The following POU3F3 variants were observed in gnomAD, a reference collection of about 807,000 sequenced individuals.
The protein encoded by POU3F3 is POU domain, class 3, transcription factor 3.
Under a neutral mutation model 8.6 loss-of-function variants are expected in POU3F3, and 1 was observed. The observed-to-expected ratio is 0.12, with a 90% CI of 0.04 to 0.55. The LOEUF is 0.55. Among genes scored for constraint, POU3F3 ranks in the 20% least tolerant of loss-of-function variants. The pLI is 0.91. For missense variants in POU3F3, 577 were observed against 690.7 expected (o/e 0.84, Z 1.84); for synonymous variants, 418 against 327.4 (o/e 1.28, Z -2.99).
At position 104,855,307 on chromosome 2, in the gene POU3F3, CGGCGGCGGGGGCGGA is replaced by C. The variant is rs960894729; in HGVS notation, c.-195_-181del. ...CAGCCGGGGGCCGCGGCGGCGGCGG[CGGCGGCGGGGGCGGA>C]GGCGGCGGCGGAGGAGGAGGCGGCG... is the stretch of plus-strand genomic sequence containing the variant. On this transcript the variant is annotated 5_prime_UTR_variant, in exon 1 of 1. Transcript: ENST00000361360. Among the ~76,000 whole-genome samples the C allele has an allele frequency of 6.9e-6, 1 of 144,722 alleles. No individual in the cohort carries two copies. The highest frequency in any genetic ancestry group is 2.5e-5 in the African/African-American group (1 of 40,220). 94.9% of individuals were successfully genotyped at this position (144,722 alleles called of 152,430 possible).
the POU3F3 span, among the ~76,000 whole-genome samples, chr2:104,923,812 G>T: frequency 1.3e-5 from 2 of 152,148 alleles, no homozygotes. Context: ...GGACCAAATA[G>T]GTTGAAAGTG....
chr2:104,874,882 G>T, the POU3F3 span, among the ~76,000 whole-genome samples: 1 of 152,072 alleles, frequency 6.6e-6, no homozygotes, highest in Admixed American at 6.6e-5. Context: ...ATAGTTCAGG[G>T]CATTAAGTAC....
chr2:104,910,837 A>G, the POU3F3 span, among the ~76,000 whole-genome samples: 87 of 152,226 alleles, frequency 5.7e-4, 1 homozygote, highest in Admixed American at 1.4e-3. Context: ...ATGCTCAGGA[A>G]AAAAAGAAAG....
chr2:104,855,466 G>T lies in POU3F3; in HGVS notation c.-45G>T. 1.1e-6 allele frequency: 1 copy of T among 935,140 alleles called. No individual in the cohort carries two copies. The highest frequency in any genetic ancestry group is 1.3e-6 in the Non-Finnish European group (1 of 788,072). The allele number at this position is 935,140 out of a possible 1,614,324, so 57.9% of individuals were successfully genotyped here. On this transcript the variant is annotated 5_prime_UTR_variant, in exon 1 of 1. Transcript: ENST00000361360. ...GGCGGCCGCGGCTGCTGCTGCGGCG[G>T]CGGCGGCGGTGGTGGCGGCGGTGGG...
At chr2:104,884,367 C>T in the POU3F3 span, among the ~76,000 whole-genome samples, 1 of 152,146 alleles carries the variant, frequency 6.6e-6, no homozygotes, top group Non-Finnish European at 1.5e-5. Flanking sequence ...AGGAGCCCTT[C>T]CCTCAGCCCT....
chr2:104,909,651 G>A, the POU3F3 span, among the ~76,000 whole-genome samples: 1 of 152,220 alleles, frequency 6.6e-6, no homozygotes, highest in Admixed American at 6.5e-5. Context: ...CTTCCCAGCT[G>A]GGCTCCCCAC....
downstream of POU3F3, among the ~76,000 whole-genome samples, chr2:104,861,154 A>G (rs1676650892): frequency 6.6e-6 from 1 of 152,206 alleles, no homozygotes; most frequent in African/African-American, 2.4e-5. Flanking sequence ...TTATATATTT[A>G]TACAAAAATG....
the POU3F3 span, among the ~76,000 whole-genome samples, chr2:104,923,484 T>A: frequency 2.7e-4 from 41 of 152,270 alleles, no homozygotes; most frequent in South Asian, 8.3e-3. Context: ...CTTTGGGATG[T>A]TAAGGGTAAT....
the POU3F3 span, among the ~76,000 whole-genome samples, chr2:104,890,941 G>A: frequency 5.3e-5 from 8 of 152,320 alleles, no homozygotes; most frequent in Admixed American, 4.6e-4. Flanking sequence ...GCAAAAAGGG[G>A]TGAAGCCACG....
the POU3F3 span, among the ~76,000 whole-genome samples, chr2:104,868,678 G>T: frequency 6.6e-6 from 1 of 152,282 alleles, no homozygotes; most frequent in African/African-American, 2.4e-5. Flanking sequence ...CTGCCTTGGG[G>T]CCTGCTCTGA....
chr2:104,861,692 T>C (rs1676658206), downstream of POU3F3, among the ~76,000 whole-genome samples: 1 of 152,240 alleles, frequency 6.6e-6, no homozygotes, highest in Admixed American at 6.5e-5. Flanking sequence ...ACTAACAGCA[T>C]AAGCAATCAG....
chr2:104,901,444 G>A, the POU3F3 span, among the ~76,000 whole-genome samples: 2 of 152,298 alleles, frequency 1.3e-5, no homozygotes, highest in Middle Eastern at 6.8e-3. Context: ...GCAGCCGGGT[G>A]AGTGCTACAT....
chr2:104,882,785 G>A, the POU3F3 span, among the ~76,000 whole-genome samples: 5 of 152,116 alleles, frequency 3.3e-5, no homozygotes, highest in African/African-American at 4.8e-5. Context: ...ACTCTGTTTC[G>A]AGAGTTATGT....
rs1676519748 is a variant in POU3F3 at position 104,855,051 on chromosome 2, G to A, written c.-460G>A. Among the ~76,000 whole-genome samples, 1 of 151,984 alleles carries A rather than the reference G, an allele frequency of 6.6e-6. No individual in the cohort carries two copies. The highest frequency in any genetic ancestry group is 6.5e-5 in the Admixed American group (1 of 15,272). On this transcript the variant is annotated 5_prime_UTR_variant, in exon 1 of 1. Coordinates refer to ENST00000361360, the MANE Select transcript of POU3F3 (RefSeq NM_006236.3). ...GGAGGAGCGGGAGCCCGCGCGTCCC[G>A]GGAGAGCGCCCCGAGTGCAGGTCCC...
At chr2:104,905,732 T>C in the POU3F3 span, among the ~76,000 whole-genome samples, 1 of 152,216 alleles carries the variant, frequency 6.6e-6, no homozygotes, top group Non-Finnish European at 1.5e-5. Flanking sequence ...TCTGCTTTCC[T>C]CTGCAGGACG....
chr2:104,881,956 G>C, the POU3F3 span, among the ~76,000 whole-genome samples: 1 of 152,190 alleles, frequency 6.6e-6, no homozygotes, highest in Admixed American at 6.5e-5. Flanking sequence ...CTGTCTTTGA[G>C]AATGGAGAAA....
chr2:104,886,820 A>C, the POU3F3 span, among the ~76,000 whole-genome samples: 1 of 152,146 alleles, frequency 6.6e-6, no homozygotes, highest in African/African-American at 2.4e-5. Context: ...AGGCAGGAGA[A>C]TCACTTGAAC....
the POU3F3 span, among the ~76,000 whole-genome samples, chr2:104,895,020 G>A: frequency 2.3e-3 from 353 of 151,876 alleles, 7 homozygotes; most frequent in East Asian, 0.033. Flanking sequence ...TCAAACCTCC[G>A]AGCCCAGACT....
chr2:104,891,779 A>G, the POU3F3 span, among the ~76,000 whole-genome samples: 1 of 152,226 alleles, frequency 6.6e-6, no homozygotes, highest in Non-Finnish European at 1.5e-5. Context: ...CTTTCCTCAG[A>G]GGATTTTAAA....
Sources: allele counts gnomAD v4.1 joint callset (sites outside exome capture counted in the v4.1 genomes callset), GRCh38; gene constraint gnomAD v4.1.1; transcripts MANE v1.5; gene names NCBI Gene and HGNC (gene_info 2026-07-23, HGNC 2026-07-21).